Variants in LMBR1 observed in about 807,000 individuals in gnomAD.
LMBR1 encodes the protein limb region 1 protein homolog.
LMBR1 carries 52 observed loss-of-function variants against 73.9 expected under a neutral mutation model. The ratio of observed to expected loss-of-function variants is 0.70; its 90% confidence interval spans 0.56 to 0.89. The LOEUF (loss-of-function observed/expected upper bound fraction) is 0.89, where lower values mean the gene tolerates loss of function less well. Among genes scored for constraint, LMBR1 ranks in the 40% least tolerant of loss-of-function variants. LMBR1 has a pLI of 0.00. For synonymous variants in LMBR1, 215 were observed against 209.4 expected (o/e 1.03, Z -0.23); for missense variants, 539 against 579.8 (o/e 0.93, Z 0.72).
intron 1 of LMBR1, among the ~76,000 whole-genome samples, chr7:156,851,741 GA>G (rs1272278826): frequency 6.6e-6 from 1 of 152,182 alleles, no homozygotes; most frequent in Non-Finnish European, 1.5e-5. Flanking sequence ...GATATACATA[GA>G]GGTATGAAAC....
chr7:156,671,040 G>A (rs1383325831), intron 4 of LMBR1, among the ~76,000 whole-genome samples: 1 of 152,186 alleles, frequency 6.6e-6, no homozygotes, highest in African/African-American at 2.4e-5. Flanking sequence ...GTATTGGTTC[G>A]AGGGATAAAA....
intron 10 of LMBR1, among the ~76,000 whole-genome samples, chr7:156,731,437 A>G (rs1170697241): frequency 2.6e-5 from 4 of 152,206 alleles, no homozygotes; most frequent in African/African-American, 9.6e-5. Flanking sequence ...TTCAAGAAAG[A>G]TAAATACAAA....
rs1326281993 is a variant in LMBR1 at position 156,734,274 on chromosome 7, A to G, written c.758-17T>C. 8 of 1,570,274 alleles carry G rather than the reference A, an allele frequency of 5.1e-6. No individual in the cohort carries two copies. In the Admixed American group the frequency reaches 1.6e-4, roughly 30 times the overall value. ...AAGACAGCCCTGTTCAAAGCAAAAAATATTTAGAAGTAAAACAGAACCCCT... is the reference window on the plus strand; with the variant it reads ...AAGACAGCCCTGTTCAAAGCAAAAAGTATTTAGAAGTAAAACAGAACCCCT... On this transcript the variant is annotated splice_polypyrimidine_tract_variant and intron_variant, in intron 9 of 16. Transcript: ENST00000353442.
At chr7:156,776,448 T>C (rs1826149842) in intron 5 of LMBR1, among the ~76,000 whole-genome samples, 1 of 152,138 alleles carries the variant, frequency 6.6e-6, no homozygotes, top group Admixed American at 6.5e-5. Context: ...TCCAGTGAGA[T>C]TCATTCCCAT....
At chr7:156,845,647 G>A (rs1839461680) in intron 1 of LMBR1, among the ~76,000 whole-genome samples, 2 of 141,848 alleles carry the variant, frequency 1.4e-5, no homozygotes, top group Admixed American at 7.4e-5. Flanking sequence ...AAGAAAGATG[G>A]GTTGAAATTT....
At chr7:156,799,407 C>T (rs75113443) in intron 4 of LMBR1, among the ~76,000 whole-genome samples, 4,842 of 152,190 alleles carry the variant, frequency 0.032, 123 homozygotes, top group South Asian at 0.085. Flanking sequence ...AACATTTTCA[C>T]TATTATTACA....
chr7:156,713,436 T>C (rs146731702), intron 15 of LMBR1, among the ~76,000 whole-genome samples: 1 of 152,248 alleles, frequency 6.6e-6, no homozygotes, highest in East Asian at 1.9e-4. Flanking sequence ...CTGTAACCAA[T>C]GTGCCACTCT....
intron 12 of LMBR1, 23 bp from the exon 13 acceptor site, chr7:156,725,860 T>C (rs1461725870): frequency 6.3e-7 from 1 of 1,589,770 alleles, no homozygotes; most frequent in African/African-American, 1.4e-5. Flanking sequence ...AAAGACACTT[T>C]TCAGAATTTG....
chr7:156,783,600 G>A (rs1827535183), intron 5 of LMBR1, among the ~76,000 whole-genome samples: 1 of 152,034 alleles, frequency 6.6e-6, no homozygotes, highest in Non-Finnish European at 1.5e-5. Flanking sequence ...TTTTCAGTTT[G>A]TTGCTGGTAT....
chr7:156,696,694 T>A (rs2131995087), intron 15 of LMBR1, among the ~76,000 whole-genome samples: 1 of 152,314 alleles, frequency 6.6e-6, no homozygotes, highest in African/African-American at 2.4e-5. Flanking sequence ...CCCCCATGAT[T>A]AAATTACCTC....
chr7:156,697,638 T>C (rs1280825277), intron 15 of LMBR1, among the ~76,000 whole-genome samples: 1 of 152,218 alleles, frequency 6.6e-6, no homozygotes, highest in African/African-American at 2.4e-5. Flanking sequence ...ATTTATTGAC[T>C]CTCTGCAAGA....
At chr7:156,706,834 A>G (rs1036683262) in intron 15 of LMBR1, among the ~76,000 whole-genome samples, 5 of 152,018 alleles carry the variant, frequency 3.3e-5, no homozygotes, top group African/African-American at 1.2e-4. Context: ...CAAAAGTAAC[A>G]AACCAAATCC....
chr7:156,675,832 C>T (rs755524606), downstream of LMBR1: 9 of 1,613,954 alleles, frequency 5.6e-6, no homozygotes, highest in South Asian at 8.8e-5. Context: ...CATGAGATCA[C>T]AGAAGAGGAA....
chr7:156,724,662 C>A (rs530536227), intron 14 of LMBR1, among the ~76,000 whole-genome samples: 2 of 151,956 alleles, frequency 1.3e-5, no homozygotes, highest in African/African-American at 2.4e-5. Flanking sequence ...CATGTTTATT[C>A]TTCCATAGTA....
chr7:156,828,821 G>A (rs1051251743), intron 3 of LMBR1, among the ~76,000 whole-genome samples: 6 of 152,108 alleles, frequency 3.9e-5, no homozygotes, highest in African/African-American at 1.2e-4. Context: ...GTTTCTCTTC[G>A]AATAATCTGA....
At position 156,681,949 on chromosome 7, in the gene LMBR1, C is replaced by T. The variant is rs1388090363; in HGVS notation, c.*2129G>A. The T allele has an allele frequency of 6.6e-6, 1 of 152,270 alleles. No homozygotes were observed. The highest frequency in any genetic ancestry group is 1.9e-4 in the East Asian group (1 of 5,196). 9.4% of individuals were successfully genotyped at this position (152,270 alleles called of 1,614,324 possible). ...CATTTGGAGTCAGTCTCTCCAGAGG[C>T]AGATGCTTGGGCATGTGCTCAGGAA... On this transcript the variant is annotated 3_prime_UTR_variant, in exon 17 of 17. Coordinates refer to ENST00000353442, the MANE Select transcript of LMBR1 (RefSeq NM_022458.4).
At chr7:156,805,569 T>C (rs1037784161) in intron 4 of LMBR1, among the ~76,000 whole-genome samples, 4 of 152,310 alleles carry the variant, frequency 2.6e-5, no homozygotes, top group South Asian at 4.1e-4. Flanking sequence ...GGTCAGATGG[T>C]CAATCCTCTA....
chr7:156,810,277 T>C (rs1021833778), intron 4 of LMBR1, among the ~76,000 whole-genome samples: 2 of 152,088 alleles, frequency 1.3e-5, no homozygotes, highest in African/African-American at 4.8e-5. Context: ...CCAGCTCTTA[T>C]GAGAATAAAG....
chr7:156,705,651 A>T (rs1459283242), intron 15 of LMBR1, among the ~76,000 whole-genome samples: 1 of 152,264 alleles, frequency 6.6e-6, no homozygotes, highest in Non-Finnish European at 1.5e-5. Context: ...TTTGCAGACA[A>T]GCAATGCTGA....
Sources: allele counts gnomAD v4.1 joint callset (sites outside exome capture counted in the v4.1 genomes callset), GRCh38; gene constraint gnomAD v4.1.1; transcripts MANE v1.5; gene names NCBI Gene and HGNC (gene_info 2026-07-23, HGNC 2026-07-21).